CYP2R1: variants seen among roughly 807,000 people sequenced by gnomAD.
CYP2R1 encodes cytochrome P450 family 2 subfamily R member 1, also known as vitamin D 25-hydroxylase.
In CYP2R1, 40 loss-of-function variants were observed where a neutral mutation model predicts 45.7. The observed-to-expected ratio is 0.87, with a 90% CI of 0.68 to 1.14. The LOEUF is 1.14. Among genes scored for constraint, CYP2R1 ranks in the 50% most tolerant of loss-of-function variants. The pLI is 0.00. For missense variants in CYP2R1, 605 were observed against 602.6 expected, an observed-to-expected ratio of 1.00 and a Z score of -0.04; for synonymous variants, 234 against 219.3, an observed-to-expected ratio of 1.07 and a Z score of -0.59.
chr11:14,878,286 A>C lies in CYP2R1; in HGVS notation c.1342T>G (p.Cys448Gly). 5 of 1,612,902 alleles carry C rather than the reference A, an allele frequency of 3.1e-6. No homozygotes were observed. The highest frequency in any genetic ancestry group is 4.2e-6 in the Non-Finnish European group (5 of 1,179,294). Residue 448 changes from cysteine (C) to glycine (G), a missense_variant, in exon 5 of 5, where the codon TGT (cysteine) becomes GGT (glycine). Physicochemically the swap from Cys to Gly is radical, Grantham distance 159 (BLOSUM62 -3). Coordinates refer to ENST00000334636, the MANE Select transcript of CYP2R1 (RefSeq NM_024514.5). Reference sequence around the variant, plus strand: ...ATCCGAGCCAAGTGTTCTCCAAGACAATGTCTTCTTCCTAAACAGAAAAAG... The same window carrying C: ...ATCCGAGCCAAGTGTTCTCCAAGACCATGTCTTCTTCCTAAACAGAAAAAG... ...LVPFSLGRRH[C>G]LGEHLARMEM...
chr11:14,887,412 T>G (rs1848662724), intron 1 of CYP2R1: 1 of 177,570 alleles, frequency 5.6e-6, no homozygotes, highest in African/African-American at 2.4e-5. Flanking sequence ...AATTTTTACT[T>G]GAACTAGTAT....
At chr11:14,891,880 A>C in intron 1 of CYP2R1, 101 bp downstream of exon 1, 3 of 1,454,702 alleles carry the variant, frequency 2.1e-6, no homozygotes, top group South Asian at 1.3e-5. Flanking sequence ...AGAGGTCCCG[A>C]CTAGTCGGCC....
chr11:14,885,630 A>T, intron 2 of CYP2R1, 146 bp downstream of exon 2: 2 of 809,274 alleles, frequency 2.5e-6, no homozygotes, highest in Non-Finnish European at 3.9e-6. Flanking sequence ...TACAGCCTGA[A>T]AGGTCCTCAA....
At chr11:14,889,388 G>A (rs1394494367) in intron 1 of CYP2R1, among the ~76,000 whole-genome samples, 1 of 152,178 alleles carries the variant, frequency 6.6e-6, no homozygotes, top group Non-Finnish European at 1.5e-5. Flanking sequence ...GAGATCTTTA[G>A]AGATGTTTCA....
At position 14,892,161 on chromosome 11, in the gene CYP2R1, G is replaced by A. The variant is rs377528000; in HGVS notation, c.45C>T (p.Gly15=). 5.6e-6 allele frequency: 9 copies of A among 1,610,624 alleles called. No homozygotes were observed. Among genetic ancestry groups the A allele is most frequent in the Admixed American group, 3.3e-5 (2 of 59,968 alleles). Residue 15 remains glycine (G), a synonymous_variant, in exon 1 of 5, where the codon GGC becomes GGT. Coordinates refer to ENST00000334636, the MANE Select transcript of CYP2R1 (RefSeq NM_024514.5). ...WRAEEGAAAL[G]GALFLLLFAL... The stretch of plus-strand genomic sequence containing the variant: ...CGAAGAGCAGCAGGAAGAGCGCGCC[G>A]CCGAGCGCCGCCGCGCCCTCTTCAG...
At chr11:14,891,822 T>A (rs918395745) in intron 1 of CYP2R1, 159 bp downstream of exon 1, 4 of 971,348 alleles carry the variant, frequency 4.1e-6, no homozygotes, top group Admixed American at 6.2e-5. Context: ...GACTTCTCCC[T>A]TCCAGACCCG....
intron 1 of CYP2R1, among the ~76,000 whole-genome samples, chr11:14,888,390 C>T (rs1290854843): frequency 6.6e-6 from 1 of 152,182 alleles, no homozygotes; most frequent in African/African-American, 2.4e-5. Flanking sequence ...ATTATTATAA[C>T]ATCATGGGCT....
chr11:14,888,239 C>G (rs1848693224), intron 1 of CYP2R1, among the ~76,000 whole-genome samples: 1 of 152,096 alleles, frequency 6.6e-6, no homozygotes, highest in Non-Finnish European at 1.5e-5. Context: ...TGTCTTCCCC[C>G]AACTAGAATA....
At chr11:14,879,979 A>G (rs996406002) in intron 3 of CYP2R1, among the ~76,000 whole-genome samples, 157 bp downstream of exon 3, 4 of 152,184 alleles carry the variant, frequency 2.6e-5, no homozygotes, top group Non-Finnish European at 2.9e-5. Context: ...GAGATAATAG[A>G]TTTGAAAACT....
At chr11:14,891,125 T>C in intron 1 of CYP2R1, 1 of 985,472 alleles carries the variant, frequency 1.0e-6, no homozygotes, top group Non-Finnish European at 1.2e-6. Context: ...TGGAAACTCC[T>C]GCCCCCTCCG....
rs1848215405 is a variant in CYP2R1, at chr11:14,877,889, A to G, written c.*233T>C. The stretch of plus-strand genomic sequence containing the variant: ...CTTAGCATTTTAAGCAACACCCATC[A>G]TTTGCACCTTTGTGTCTCTCAACAG... On this transcript the variant is annotated 3_prime_UTR_variant, in exon 5 of 5. Transcript: ENST00000334636. 7.8e-6 allele frequency: 4 copies of G among 510,842 alleles called. No homozygotes were observed. In the South Asian group the frequency reaches 8.7e-5, roughly 11 times the overall value. The allele number at this position is 510,842 out of a possible 1,614,324, so 31.6% of individuals were successfully genotyped here. A position where few individuals can be genotyped will look rare whatever the true frequency, so the allele number is the denominator to read the frequency against.
chr11:14,891,037 C>T (rs186628850), intron 1 of CYP2R1: 8 of 985,464 alleles, frequency 8.1e-6, no homozygotes, highest in Middle Eastern at 5.2e-4. Context: ...GCCTTCTTCA[C>T]CGCTAGCGTC....
intron 2 of CYP2R1, 80 bp from the exon 3 acceptor site, chr11:14,880,848 G>C: frequency 7.4e-7 from 1 of 1,359,594 alleles, no homozygotes; most frequent in East Asian, 2.5e-5. Context: ...TTTTTTTAAT[G>C]GATGGTTAGT....
chr11:14,884,886 A>C (rs1848552656), intron 2 of CYP2R1, among the ~76,000 whole-genome samples: 1 of 152,020 alleles, frequency 6.6e-6, no homozygotes, highest in Non-Finnish European at 1.5e-5. Flanking sequence ...GGTCTATTAT[A>C]ATTGTGGCTG....
chr11:14,891,933 C>T (rs1430888466), intron 1 of CYP2R1, 48 bp downstream of exon 1: 6 of 1,591,220 alleles, frequency 3.8e-6, no homozygotes, highest in African/African-American at 2.7e-5. Flanking sequence ...CTGGCCAGCC[C>T]GGGCCAGCCT....
chr11:14,880,866 C>CT (rs1848356813), intron 2 of CYP2R1, 98 bp from the exon 3 acceptor site: 1 of 1,149,054 alleles, frequency 8.7e-7, no homozygotes, highest in East Asian at 2.6e-5. Flanking sequence ...AGTCATCCTT[C>CT]TCCAAATTGT....
intron 1 of CYP2R1, among the ~76,000 whole-genome samples, chr11:14,888,608 A>G (rs1848707583): frequency 6.6e-6 from 1 of 152,132 alleles, no homozygotes; most frequent in Non-Finnish European, 1.5e-5. Context: ...TGAACCACAC[A>G]TGGGAGCTTA....
chr11:14,886,182 G>C, intron 1 of CYP2R1: 2 of 460,566 alleles, frequency 4.3e-6, no homozygotes, highest in Non-Finnish European at 7.9e-6. Context: ...CGGGAGGCCT[G>C]GGTCTAGTTT....
At chr11:14,885,939 A>C (rs782809468) in intron 1 of CYP2R1, 22 bp from the exon 2 acceptor site, 28 of 1,610,868 alleles carry the variant, frequency 1.7e-5, no homozygotes, top group Non-Finnish European at 2.4e-5. Context: ...GAAGAAAAAC[A>C]ACATTTAAAT....
Sources: allele counts gnomAD v4.1 joint callset (sites outside exome capture counted in the v4.1 genomes callset), GRCh38; gene constraint gnomAD v4.1.1; transcripts MANE v1.5; gene names NCBI Gene and HGNC (gene_info 2026-07-23, HGNC 2026-07-21).